Variants in PTPRS observed in about 807,000 individuals in gnomAD.
PTPRS encodes the protein receptor-type tyrosine-protein phosphatase S.
Under a neutral mutation model 215.3 loss-of-function variants are expected in PTPRS, and 63 were observed. The ratio of observed to expected loss-of-function variants is 0.29; its 90% CI spans 0.24 to 0.36. The LOEUF (loss-of-function observed/expected upper bound fraction) is 0.36. Ranked by LOEUF, PTPRS falls within the 10% of genes least tolerant of loss-of-function variation. The pLI is 1.00. For missense variants in PTPRS, 2,258 were observed against 2,825.8 expected (o/e 0.80, Z 4.56); for synonymous variants, 1,404 against 1,191.4 (o/e 1.18, Z -3.68).
At chr19:5,291,350 G>C (rs1452725354) in intron 1 of PTPRS, among the ~76,000 whole-genome samples, 1 of 152,134 alleles carries the variant, frequency 6.6e-6, no homozygotes, top group Non-Finnish European at 1.5e-5. Flanking sequence ...GGAGGGGGCT[G>C]GGCTGGGTTA....
rs2050614632 is a variant in PTPRS, at chr19:5,339,452, C to G, written c.-95+1212G>C. Among the ~76,000 whole-genome samples, 1 of 151,664 alleles carries G rather than the reference C, an allele frequency of 6.6e-6. No individual in the cohort carries two copies. Among genetic ancestry groups the G allele is most frequent in the Non-Finnish European group, 1.5e-5 (1 of 67,904 alleles). ...GGGGGTGTGGCTGAAAAAAAGATTC[C>G]CAGTTTGTGGGAAAGGTTCCCTGAT... is the stretch of plus-strand genomic sequence containing the variant. On this transcript the variant is annotated intron_variant, in intron 1 of 37. Transcript: ENST00000262963. This position sits in a 1 kb window ranked among gnomAD's most constrained non-coding sequence, Gnocchi z 4.2.
chr19:5,251,127 T>G (rs1599701556), intron 9 of PTPRS: 1 of 152,372 alleles, frequency 6.6e-6, no homozygotes, highest in African/African-American at 2.4e-5. Flanking sequence ...AAGGGAGGGG[T>G]TGGAAACATT....
intron 4 of PTPRS, among the ~76,000 whole-genome samples, chr19:5,266,175 C>T (rs2046382094): frequency 6.6e-6 from 1 of 152,082 alleles, no homozygotes; most frequent in South Asian, 2.1e-4. Context: ...AGAAAAATCA[C>T]TTGAACCCGG....
At chr19:5,265,649 T>C (rs1162770509) in intron 4 of PTPRS, among the ~76,000 whole-genome samples, 1 of 151,994 alleles carries the variant, frequency 6.6e-6, no homozygotes, top group African/African-American at 2.4e-5. Context: ...GTTGGGTCCC[T>C]CTTCTGTACA....
Position 5,231,474 on chromosome 19 carries a change from T to G in PTPRS, c.1991A>C (p.Glu664Ala), listed in dbSNP as rs370707556. Reference protein sequence around the residue: ...YSVRYRPLGSEDPEPKEVNGI... With the variant: ...YSVRYRPLGSADPEPKEVNGI... ...GTTCACCTCCTTGGGTTCCGGGTCC[T>G]CTGAGCCCAGCGGTCGGTAGCGGAC... The change falls in exon 14 of 38, where the codon GAG becomes GCG. Residue 664 changes from glutamate (E) to alanine (A), a missense_variant. Transcript: ENST00000262963. 7.4e-6 allele frequency: 12 copies of G among 1,612,760 alleles called. No homozygotes were observed. The highest frequency in any genetic ancestry group is 4.0e-5 in the African/African-American group (3 of 74,834).
chr19:5,214,270 T>G, intron 30 of PTPRS, 91 bp downstream of exon 30: 1 of 1,555,964 alleles, frequency 6.4e-7, no homozygotes, highest in East Asian at 2.3e-5. Context: ...CTCTGTCCCA[T>G]GGGGAGCTCC....
At chr19:5,226,781 C>A (rs1351872386) in intron 16 of PTPRS, among the ~76,000 whole-genome samples, 3 of 151,918 alleles carry the variant, frequency 2.0e-5, no homozygotes. Context: ...AACTTACAAT[C>A]AACTAAGTTA....
At chr19:5,283,724 G>C (rs1228729245) in intron 2 of PTPRS, among the ~76,000 whole-genome samples, 1 of 152,208 alleles carries the variant, frequency 6.6e-6, no homozygotes, top group African/African-American at 2.4e-5. Context: ...TCTGGTCCCT[G>C]AGGGAGTGTG....
At chr19:5,318,624 G>A (rs893516648) in intron 1 of PTPRS, among the ~76,000 whole-genome samples, 3 of 152,166 alleles carry the variant, frequency 2.0e-5, no homozygotes, top group Non-Finnish European at 4.4e-5. Flanking sequence ...CTGATAGACT[G>A]CAGATATTAT....
intron 2 of PTPRS, among the ~76,000 whole-genome samples, chr19:5,285,038 C>T (rs1311786230): frequency 1.3e-5 from 2 of 152,218 alleles, no homozygotes; most frequent in Non-Finnish European, 2.9e-5. Context: ...AGTTTGTTAA[C>T]CAGCAGTAAT....
Position 5,338,513 on chromosome 19 carries a change from G to T in PTPRS, c.-95+2151C>A, listed in dbSNP as rs566676343. Reference sequence around the variant, plus strand: ...ACGGAAGGCTTTGTGGAGGGCAGCGGGGGGGTAGGGGAGGGATGCCCAGGT... The same window carrying T: ...ACGGAAGGCTTTGTGGAGGGCAGCGTGGGGGTAGGGGAGGGATGCCCAGGT... On this transcript the variant is annotated intron_variant, in intron 1 of 37. Transcript: ENST00000262963. This position sits in a 1 kb window ranked among gnomAD's most constrained non-coding sequence, Gnocchi z 4.2. Among the ~76,000 whole-genome samples the T allele has an allele frequency of 9.2e-5, 14 of 152,258 alleles. No homozygotes were observed. Among genetic ancestry groups the T allele is most frequent in the African/African-American group, 3.4e-4 (14 of 41,538 alleles).
intron 22 of PTPRS, 58 bp downstream of exon 22, chr19:5,219,881 G>T: frequency 6.4e-7 from 1 of 1,563,794 alleles, no homozygotes; most frequent in East Asian, 2.3e-5. Flanking sequence ...CCTGGGGAAT[G>T]GGGTCTGCCT....
chr19:5,237,294 G>C lies in PTPRS; in HGVS notation c.1849+1625C>G, dbSNP rs77409886. On this transcript the variant is annotated intron_variant, in intron 13 of 37. Transcript: ENST00000262963. This position sits in a 1 kb window ranked among gnomAD's most constrained non-coding sequence, Gnocchi z 4.2. Reference sequence around the variant, plus strand: ...TCAGCCTAAGGAGCCCGCAGTCCCCGGGGGGATGGATACGCCTGGCCCTGA... The same window carrying C: ...TCAGCCTAAGGAGCCCGCAGTCCCCCGGGGGATGGATACGCCTGGCCCTGA... Among the ~76,000 whole-genome samples, 1,394 of 152,034 alleles carry C rather than the reference G, an allele frequency of 9.2e-3. 26 individuals carry two copies. The highest frequency in any genetic ancestry group is 0.032 in the African/African-American group (1,316 of 41,306).
chr19:5,266,984 C>T (rs2046447713), intron 4 of PTPRS, among the ~76,000 whole-genome samples: 1 of 152,146 alleles, frequency 6.6e-6, no homozygotes, highest in Non-Finnish European at 1.5e-5. Context: ...GCAGGGAATT[C>T]TATCTGTAAC....
At chr19:5,206,990 G>T in intron 37 of PTPRS, 148 bp from the exon 38 acceptor site, 1 of 675,818 alleles carries the variant, frequency 1.5e-6, no homozygotes, top group Non-Finnish European at 2.6e-6. Context: ...CTCCCACAAT[G>T]AAGTGAGCTA....
At chr19:5,276,880 C>T (rs2047417475) in intron 2 of PTPRS, among the ~76,000 whole-genome samples, 1 of 152,144 alleles carries the variant, frequency 6.6e-6, no homozygotes, top group African/African-American at 2.4e-5. Flanking sequence ...CCTCATCAAG[C>T]TGCACCTGGG....
Position 5,244,487 on chromosome 19 carries a change from G to C in PTPRS, c.989-5C>G, listed in dbSNP as rs747594581. The C allele has an allele frequency of 2.7e-5, 44 of 1,611,022 alleles. No homozygotes were observed. Among genetic ancestry groups the C allele is most frequent in the South Asian group, 1.9e-4 (17 of 90,798 alleles). ...TCCCGGGAGCTTTGGGGAGAGCTGT[G>C]GGCAGGAGGCAGCTGTGTCACGCAT... On this transcript the variant is annotated splice_region_variant and splice_polypyrimidine_tract_variant and intron_variant, in intron 10 of 37. Transcript: ENST00000262963. The surrounding 1 kb of genome is among the most constrained non-coding windows in gnomAD (Gnocchi z 7.2).
intron 2 of PTPRS, among the ~76,000 whole-genome samples, chr19:5,281,922 C>T (rs1429884397): frequency 6.6e-6 from 1 of 152,218 alleles, no homozygotes; most frequent in Non-Finnish European, 1.5e-5. Flanking sequence ...TCCCGTCCTC[C>T]TCCTCTCATC....
In PTPRS at chr19:5,286,173, G is replaced by A. The variant is rs759603752; in HGVS notation, c.-33C>T. On this transcript the variant is annotated 5_prime_UTR_variant, in exon 2 of 38. Coordinates refer to ENST00000262963, the MANE Select transcript of PTPRS (RefSeq NM_002850.4). ...AGCGACCTCCGATCTCCGCCCTGGA[G>A]GGGGATGGCCCCCCGGTCCCTCACA... 2.3e-5 allele frequency: 37 copies of A among 1,609,258 alleles called. No homozygotes were observed. Among genetic ancestry groups the A allele is most frequent in the Non-Finnish European group, 3.1e-5 (36 of 1,177,904 alleles).
Sources: gnomAD v4.1 joint callset for allele counts (sites outside exome capture counted in the v4.1 genomes callset) on GRCh38, gnomAD v4.1.1 for gene constraint, Gnocchi (gnomAD v3.1) non-coding constraint, MANE v1.5 for transcripts, NCBI Gene and HGNC (gene_info 2026-07-23, HGNC 2026-07-21) for gene names.